The following NRXN3 variants were observed in gnomAD, a reference collection of about 807,000 sequenced individuals.
NRXN3 encodes the protein neurexin 3.
In NRXN3, 32 loss-of-function variants were observed where a neutral mutation model predicts 137.6. The observed-to-expected ratio is 0.23, with a 90% CI of 0.18 to 0.31. The LOEUF is 0.31. NRXN3 is among the 10% of genes least tolerant of loss of function. The probability of loss-of-function intolerance (pLI) is 1.00; values close to 1 mark genes in which losing one functional copy is unlikely to be tolerated. For synonymous variants in NRXN3, 798 were observed against 784.5 expected (o/e 1.02, Z -0.29); for missense variants, 1,574 against 2,062.5 (o/e 0.76, Z 4.59).
chr14:78,226,699 T>G (rs945774935), intron 1 of NRXN3, among the ~76,000 whole-genome samples: 17 of 152,186 alleles, frequency 1.1e-4, no homozygotes, highest in African/African-American at 4.1e-4. Flanking sequence ...GATAGAATAA[T>G]TTTTTGAGTC....
intron 4 of NRXN3, among the ~76,000 whole-genome samples, chr14:78,444,091 A>AT (rs2094341449): frequency 6.6e-6 from 1 of 152,234 alleles, no homozygotes; most frequent in Admixed American, 6.5e-5. Context: ...AATCAGAGTT[A>AT]GGGCTTAAAT....
chr14:78,828,554 A>G (rs1256646709), intron 10 of NRXN3, among the ~76,000 whole-genome samples: 2 of 152,188 alleles, frequency 1.3e-5, no homozygotes, highest in East Asian at 1.9e-4. Context: ...CTGAGTTCCA[A>G]TACAACTTTA....
At chr14:79,589,053 G>A (rs1295609364) in intron 16 of NRXN3, among the ~76,000 whole-genome samples, 2 of 152,090 alleles carry the variant, frequency 1.3e-5, no homozygotes, top group South Asian at 2.1e-4. Flanking sequence ...CCAGGAATTC[G>A]AGACTAGCCT....
intron 4 of NRXN3, among the ~76,000 whole-genome samples, chr14:78,415,725 A>G (rs1447793196): frequency 2.0e-5 from 3 of 152,130 alleles, no homozygotes; most frequent in South Asian, 2.1e-4. Flanking sequence ...GAGGTAGGAC[A>G]TCTGGGGGTC....
At chr14:79,075,569 T>C (rs2045832243) in intron 15 of NRXN3, among the ~76,000 whole-genome samples, 2 of 152,210 alleles carry the variant, frequency 1.3e-5, no homozygotes, top group South Asian at 2.1e-4. Flanking sequence ...CCCTTGATGA[T>C]TATTAATTGG....
intron 15 of NRXN3, among the ~76,000 whole-genome samples, chr14:79,077,476 C>T (rs887993050): frequency 1.6e-4 from 24 of 152,176 alleles, no homozygotes; most frequent in Admixed American, 1.6e-3. Flanking sequence ...TCTCTCCCTA[C>T]AGAATATAAT....
chr14:79,795,644 C>T (rs1425681960), intron 19 of NRXN3, among the ~76,000 whole-genome samples: 1 of 152,182 alleles, frequency 6.6e-6, no homozygotes, highest in African/African-American at 2.4e-5. Context: ...CCAAAACTTG[C>T]TTTAACTTCT....
chr14:79,780,599 A>T (rs375917899), intron 19 of NRXN3, among the ~76,000 whole-genome samples: 2 of 152,174 alleles, frequency 1.3e-5, no homozygotes, highest in African/African-American at 4.8e-5. Context: ...ACAGAGCGAG[A>T]CTCTGTCCCT....
At chr14:79,265,569 G>C (rs573189098) in intron 15 of NRXN3, among the ~76,000 whole-genome samples, 25 of 152,112 alleles carry the variant, frequency 1.6e-4, no homozygotes, top group Admixed American at 1.2e-3. Flanking sequence ...TCAAGCCTGT[G>C]AGTTAGCAGT....
At position 79,859,730 on chromosome 14, in the gene NRXN3, G is replaced by A. The variant is rs189915075; in HGVS notation, c.4094-1612G>A. ...TTATTACCAAGTGTAAGAGACACACGTACGTGGTACCAGTTGACAGCTCAA... is the reference window on the plus strand; with the variant it reads ...TTATTACCAAGTGTAAGAGACACACATACGTGGTACCAGTTGACAGCTCAA... On this transcript the variant is annotated intron_variant, in intron 20 of 20. Transcript: ENST00000335750. 4.8e-4 allele frequency among the ~76,000 whole-genome samples: 73 copies of A among 152,254 alleles called. 1 individual carries two copies. The East Asian group carries it at 0.013, about 28-fold the overall frequency.
chr14:79,252,690 G>T (rs1171411034), intron 15 of NRXN3, among the ~76,000 whole-genome samples: 1 of 152,162 alleles, frequency 6.6e-6, no homozygotes, highest in Non-Finnish European at 1.5e-5. Flanking sequence ...GTATTACATT[G>T]AAAGCAGCGA....
At chr14:79,582,445 G>A (rs1042672425) in intron 16 of NRXN3, among the ~76,000 whole-genome samples, 6 of 151,936 alleles carry the variant, frequency 3.9e-5, no homozygotes, top group African/African-American at 9.7e-5. Flanking sequence ...TTTTTGAGAC[G>A]GAGTCTTGCT....
rs375605439 is a variant in NRXN3, at chr14:78,852,860, T to A, written c.2275+42516T>A. Among the ~76,000 whole-genome samples the A allele has an allele frequency of 1.3e-4, 19 of 151,580 alleles. No individual in the cohort carries two copies. The South Asian group carries it at 4.0e-3, about 32-fold the overall frequency. On this transcript the variant is annotated intron_variant, in intron 10 of 20. Transcript: ENST00000335750. ...TGTATATAGTGTGTAACACATTTTG[T>A]GTGTGTGTGGTTAGTTTCTTTTTTT...
intron 15 of NRXN3, among the ~76,000 whole-genome samples, chr14:79,354,328 A>G (rs888138959): frequency 3.3e-5 from 5 of 152,168 alleles, no homozygotes; most frequent in Non-Finnish European, 7.4e-5. Flanking sequence ...AGCATTCAGT[A>G]AATAAAAAGA....
chr14:79,756,917 G>T (rs1177254870), intron 19 of NRXN3, among the ~76,000 whole-genome samples: 3 of 152,194 alleles, frequency 2.0e-5, no homozygotes, highest in East Asian at 1.9e-4. Context: ...CCTTGCTTTT[G>T]TGAGTGGTCA....
chr14:79,397,637 T>C (rs781043146), intron 15 of NRXN3, among the ~76,000 whole-genome samples: 3 of 152,214 alleles, frequency 2.0e-5, no homozygotes, highest in Non-Finnish European at 4.4e-5. Flanking sequence ...AATGGTCTTG[T>C]TTAATTTGAG....
intron 19 of NRXN3, among the ~76,000 whole-genome samples, chr14:79,727,803 C>T (rs180917548): frequency 1.1e-4 from 17 of 152,210 alleles, no homozygotes; most frequent in East Asian, 1.9e-4. Context: ...GAAATTGCTA[C>T]GAGAGAAATC....
intron 16 of NRXN3, among the ~76,000 whole-genome samples, chr14:79,566,046 G>T (rs1224592153): frequency 6.6e-6 from 1 of 152,012 alleles, no homozygotes; most frequent in African/African-American, 2.4e-5. Context: ...TTTTCTGGGG[G>T]GCAGGAGACA....
intron 15 of NRXN3, among the ~76,000 whole-genome samples, chr14:79,001,685 G>A (rs1381213689): frequency 1.3e-5 from 2 of 152,156 alleles, no homozygotes. Flanking sequence ...TATATTCAGT[G>A]CTGAGAGACA....
Sources: gnomAD v4.1 joint callset for allele counts (sites outside exome capture counted in the v4.1 genomes callset) on GRCh38, gnomAD v4.1.1 for gene constraint, MANE v1.5 for transcripts, NCBI Gene and HGNC (gene_info 2026-07-23, HGNC 2026-07-21) for gene names.